The following ZNF385D variants were observed in gnomAD, a reference collection of about 807,000 sequenced individuals.
ZNF385D encodes the protein zinc finger protein 659.
ZNF385D carries 15 observed loss-of-function variants against 35.8 expected under a neutral mutation model. That is an observed-to-expected ratio of 0.42 (90% CI 0.28 to 0.64). The LOEUF (loss-of-function observed/expected upper bound fraction) is 0.64. Ranked by LOEUF, ZNF385D falls within the 30% of genes least tolerant of loss-of-function variation. The pLI is 0.23. For synonymous variants in ZNF385D, 212 were observed against 186.8 expected, an observed-to-expected ratio of 1.13 and a Z score of -1.10; for missense variants, 474 against 494.6, an observed-to-expected ratio of 0.96 and a Z score of 0.39.
intron 3 of ZNF385D, among the ~76,000 whole-genome samples, chr3:21,844,360 A>G (rs1403845598): frequency 2.0e-5 from 3 of 150,514 alleles, no homozygotes; most frequent in South Asian, 2.1e-4. Flanking sequence ...ATTCTAGCTT[A>G]CCAGCTGATT....
chr3:22,290,200 G>A (rs1458798522), intron 2 of ZNF385D, among the ~76,000 whole-genome samples: 1 of 152,086 alleles, frequency 6.6e-6, no homozygotes, highest in African/African-American at 2.4e-5. Context: ...CTCTTCACGG[G>A]GAAGCTGGGT....
At chr3:22,140,183 T>C (rs1321232508) in intron 3 of ZNF385D, among the ~76,000 whole-genome samples, 2 of 152,190 alleles carry the variant, frequency 1.3e-5, no homozygotes, top group African/African-American at 4.8e-5. Flanking sequence ...CAAAAGTCTT[T>C]CAACTAGTGA....
chr3:21,880,634 C>G (rs1698229397), intron 3 of ZNF385D, among the ~76,000 whole-genome samples: 1 of 151,938 alleles, frequency 6.6e-6, no homozygotes, highest in South Asian at 2.1e-4. Context: ...ACAATGGCCT[C>G]TAAGTGTTCA....
intron 3 of ZNF385D, among the ~76,000 whole-genome samples, chr3:21,976,037 C>G (rs970419983): frequency 7.9e-5 from 12 of 152,122 alleles, no homozygotes; most frequent in Admixed American, 2.6e-4. Context: ...CTAGCAAACA[C>G]TCAGGCTCTA....
At chr3:22,086,399 T>C (rs1701043877) in intron 3 of ZNF385D, among the ~76,000 whole-genome samples, 1 of 151,962 alleles carries the variant, frequency 6.6e-6, no homozygotes, top group Non-Finnish European at 1.5e-5. Flanking sequence ...AGCATTCCTA[T>C]ACACCAATAA....
intron 3 of ZNF385D, among the ~76,000 whole-genome samples, chr3:21,837,428 T>C (rs909770733): frequency 6.6e-6 from 1 of 152,142 alleles, no homozygotes; most frequent in African/African-American, 2.4e-5. Context: ...TTGGGATGGC[T>C]AGGCCTCTCT....
At chr3:22,353,446 G>A (rs771639531) in intron 2 of ZNF385D, among the ~76,000 whole-genome samples, 5 of 152,012 alleles carry the variant, frequency 3.3e-5, no homozygotes. Context: ...CTGTATATTT[G>A]GTAGCCCTCC....
Position 22,192,127 on chromosome 3 carries a change from T to C in ZNF385D, c.107-23092A>G, listed in dbSNP as rs1422389274. Among the ~76,000 whole-genome samples, 3 of 152,242 alleles carry C rather than the reference T, an allele frequency of 2.0e-5. No individual in the cohort carries two copies. In the South Asian group the frequency reaches 6.2e-4, roughly 32 times the overall value. ...TCCCTAACCTCAGGGTTTAGAAACA[T>C]GGCCCCAAGACTAACAGATTGCAGT... On this transcript the variant is annotated intron_variant, in intron 2 of 5. Transcript: ENST00000494108.
chr3:22,287,642 T>C lies in ZNF385D; in HGVS notation c.106+84808A>G, dbSNP rs974612391. Among the ~76,000 whole-genome samples, 3 of 151,982 alleles carry C rather than the reference T, an allele frequency of 2.0e-5. No individual in the cohort carries two copies. In the South Asian group the frequency reaches 6.2e-4, roughly 31 times the overall value. On this transcript the variant is annotated intron_variant, in intron 2 of 5. Transcript: ENST00000494108. ...GCATACACAAACTCTACACTTTTTC[T>C]ACCCATAACCCCCAGCATTTTAGGT... is the stretch of plus-strand genomic sequence containing the variant.
intron 3 of ZNF385D, among the ~76,000 whole-genome samples, chr3:21,959,389 A>G (rs1031294741): frequency 6.6e-6 from 1 of 152,172 alleles, no homozygotes; most frequent in African/African-American, 2.4e-5. Flanking sequence ...CCAAAACGGT[A>G]AGAGAAAATA....
intron 4 of ZNF385D, among the ~76,000 whole-genome samples, chr3:21,507,829 T>A (rs946282270): frequency 6.6e-6 from 1 of 152,102 alleles, no homozygotes; most frequent in African/African-American, 2.4e-5. Context: ...AAACTCAAAT[T>A]TGTTAGCCTA....
At chr3:21,480,938 C>T (rs1309483967) in intron 4 of ZNF385D, among the ~76,000 whole-genome samples, 4 of 152,312 alleles carry the variant, frequency 2.6e-5, no homozygotes, top group Non-Finnish European at 1.5e-5. Flanking sequence ...TAAGAAAGTA[C>T]ATTTCAAATT....
At chr3:22,112,763 T>A (rs1215845069) in intron 3 of ZNF385D, among the ~76,000 whole-genome samples, 1 of 152,016 alleles carries the variant, frequency 6.6e-6, no homozygotes, top group Admixed American at 6.6e-5. Context: ...AATCTTTGAA[T>A]GGAATGTCAA....
intron 3 of ZNF385D, among the ~76,000 whole-genome samples, chr3:21,758,689 C>T (rs1276737615): frequency 1.3e-5 from 2 of 152,050 alleles, no homozygotes; most frequent in African/African-American, 2.4e-5. Flanking sequence ...CAGTAAGAAG[C>T]GTTACACACT....
chr3:22,010,855 G>C (rs142081315), intron 3 of ZNF385D, among the ~76,000 whole-genome samples: 248 of 152,160 alleles, frequency 1.6e-3, no homozygotes, highest in African/African-American at 5.8e-3. Flanking sequence ...TGTAAGGACA[G>C]CTATTTCAAT....
At chr3:21,980,030 T>C (rs990589795) in intron 3 of ZNF385D, among the ~76,000 whole-genome samples, 3 of 152,174 alleles carry the variant, frequency 2.0e-5, no homozygotes, top group Non-Finnish European at 4.4e-5. Context: ...ATAAAAGGCA[T>C]TGTGATATCT....
At chr3:21,531,753 G>C (rs889815376) in intron 3 of ZNF385D, among the ~76,000 whole-genome samples, 1 of 152,138 alleles carries the variant, frequency 6.6e-6, no homozygotes, top group Admixed American at 6.6e-5. Flanking sequence ...TGGAAGAAAA[G>C]ATAAAAAGGT....
chr3:22,284,519 A>G (rs894243793), intron 2 of ZNF385D, among the ~76,000 whole-genome samples: 1 of 151,826 alleles, frequency 6.6e-6, no homozygotes, highest in African/African-American at 2.4e-5. Context: ...AATGACCCAA[A>G]TCTTTTATAC....
intron 2 of ZNF385D, among the ~76,000 whole-genome samples, chr3:22,193,945 G>C (rs541855792): frequency 6.6e-6 from 1 of 151,884 alleles, no homozygotes; most frequent in Non-Finnish European, 1.5e-5. Context: ...ATTAGGTAGT[G>C]CATTTTTTCC....
Sources: gnomAD v4.1 joint callset for allele counts (sites outside exome capture counted in the v4.1 genomes callset) on GRCh38, gnomAD v4.1.1 for gene constraint, MANE v1.5 for transcripts, NCBI Gene and HGNC (gene_info 2026-07-23, HGNC 2026-07-21) for gene names.